Variants in UST observed in about 807,000 individuals in gnomAD.
UST encodes the protein uronyl 2-sulfotransferase.
A neutral mutation model predicts 45.6 loss-of-function variants in UST; 21 were observed. That is an observed-to-expected ratio of 0.46 (90% confidence interval 0.33 to 0.66). The LOEUF (loss-of-function observed/expected upper bound fraction) is 0.66, where lower values mean the gene tolerates loss of function less well. Ranked by LOEUF, UST falls within the 30% of genes least tolerant of loss-of-function variation. The pLI is 0.02. For missense variants in UST, 463 were observed against 512.4 expected (o/e 0.90, Z 0.93); for synonymous variants, 215 against 200.6 (o/e 1.07, Z -0.61).
intron 1 of UST, among the ~76,000 whole-genome samples, chr6:148,861,107 A>C (rs1372131640): frequency 1.3e-5 from 2 of 152,060 alleles, no homozygotes; most frequent in East Asian, 1.9e-4. Context: ...TAGAATTCAG[A>C]CGTGAATTCG....
intron 6 of UST, among the ~76,000 whole-genome samples, chr6:149,019,774 C>T (rs1055931859): frequency 1.3e-5 from 2 of 152,180 alleles, no homozygotes; most frequent in African/African-American, 4.8e-5. Flanking sequence ...CTTGAAGGCA[C>T]AACCTTCTTT....
At chr6:148,873,832 G>C (rs946717617) in intron 1 of UST, among the ~76,000 whole-genome samples, 12 of 152,262 alleles carry the variant, frequency 7.9e-5, no homozygotes, top group African/African-American at 2.9e-4. Context: ...CTGATGATGA[G>C]AATGAGGATG....
chr6:148,931,559 G>A (rs1779921933), intron 2 of UST, among the ~76,000 whole-genome samples: 1 of 152,158 alleles, frequency 6.6e-6, no homozygotes, highest in Non-Finnish European at 1.5e-5. Flanking sequence ...CTGCAAACTA[G>A]AACTAATTTG....
intron 7 of UST, among the ~76,000 whole-genome samples, chr6:149,045,224 A>G (rs1225435496): frequency 6.6e-6 from 1 of 152,206 alleles, no homozygotes; most frequent in Non-Finnish European, 1.5e-5. Context: ...AAACCCGTGC[A>G]TTTGAAATTT....
intron 5 of UST, chr6:148,990,277 T>C: frequency 4.1e-6 from 2 of 489,384 alleles, no homozygotes; most frequent in Non-Finnish European, 5.3e-6. Context: ...GGCCATATTT[T>C]ATATAATAAA....
intron 1 of UST, among the ~76,000 whole-genome samples, chr6:148,801,792 A>G (rs535341636): frequency 6.6e-6 from 1 of 152,098 alleles, no homozygotes; most frequent in East Asian, 1.9e-4. Flanking sequence ...TTGTAATATG[A>G]TGTTTATTAT....
chr6:148,773,230 T>TGGGTG (rs1776466294), intron 1 of UST, among the ~76,000 whole-genome samples: 1 of 152,182 alleles, frequency 6.6e-6, no homozygotes, highest in Non-Finnish European at 1.5e-5. Flanking sequence ...GTGGCTGAGA[T>TGGGTG]GGGTGGGATC....
In UST at chr6:148,917,143, C is replaced by T. The variant is rs1779605460; in HGVS notation, c.292-24136C>T. 2.6e-5 allele frequency among the ~76,000 whole-genome samples: 4 copies of T among 152,356 alleles called. No homozygotes were observed. In the South Asian group the frequency reaches 6.2e-4, roughly 24 times the overall value. ...TGTAGGCTCCAAATTGAGACAGTGG[C>T]CTGGGGAGGAAAGGCTGCTTAGGGC... On this transcript the variant is annotated intron_variant, in intron 2 of 7. Coordinates refer to ENST00000367463, the MANE Select transcript of UST (RefSeq NM_005715.3).
At chr6:148,788,375 A>G (rs1475793759) in intron 1 of UST, among the ~76,000 whole-genome samples, 1 of 152,178 alleles carries the variant, frequency 6.6e-6, no homozygotes, top group East Asian at 1.9e-4. Flanking sequence ...ACACTTAGTG[A>G]AAGTTATTTT....
intron 1 of UST, among the ~76,000 whole-genome samples, chr6:148,844,677 T>G (rs1777950738): frequency 6.6e-6 from 1 of 152,214 alleles, no homozygotes; most frequent in South Asian, 2.1e-4. Context: ...TTTTCCTGCT[T>G]TTATTTTAGA....
intron 1 of UST, among the ~76,000 whole-genome samples, chr6:148,875,664 C>T (rs988247970): frequency 3.9e-5 from 6 of 152,124 alleles, no homozygotes; most frequent in African/African-American, 1.2e-4. Flanking sequence ...ATTAGCTGGA[C>T]GTGGTGGCAC....
At position 148,747,348 on chromosome 6, in the gene UST, C is replaced by A; in HGVS notation, c.-83C>A. 7.4e-7 allele frequency: 1 copy of A among 1,350,830 alleles called. No homozygotes were observed. The highest frequency in any genetic ancestry group is 9.5e-7 in the Non-Finnish European group (1 of 1,047,704). 83.7% of individuals were successfully genotyped at this position (1,350,830 alleles called of 1,614,324 possible). A position where few individuals can be genotyped will look rare whatever the true frequency, so the allele number is the denominator to read the frequency against. ...CCGCGCGGCCCTCCCCATGTGCAGC[C>A]GGCCAGCCGGGCTCTCCTCCTCGCG... is the stretch of plus-strand genomic sequence containing the variant. On this transcript the variant is annotated 5_prime_UTR_variant, in exon 1 of 8. Transcript: ENST00000367463.
At chr6:148,917,131 T>C (rs891111526) in intron 2 of UST, among the ~76,000 whole-genome samples, 2 of 152,218 alleles carry the variant, frequency 1.3e-5, no homozygotes, top group African/African-American at 4.8e-5. Context: ...AGGCTCCAAA[T>C]TGAGACAGTG....
chr6:148,891,262 C>T (rs189990832), intron 2 of UST, among the ~76,000 whole-genome samples: 2 of 152,172 alleles, frequency 1.3e-5, no homozygotes, highest in East Asian at 1.9e-4. Flanking sequence ...TCACCTGGGA[C>T]GTGGGTACCT....
chr6:148,811,771 G>A (rs912127364), intron 1 of UST, among the ~76,000 whole-genome samples: 6 of 152,298 alleles, frequency 3.9e-5, no homozygotes, highest in East Asian at 1.9e-4. Flanking sequence ...TGTAGGACTC[G>A]TGTGATGCAG....
At chr6:149,026,309 C>G (rs1057426659) in intron 7 of UST, among the ~76,000 whole-genome samples, 20 of 152,126 alleles carry the variant, frequency 1.3e-4, no homozygotes, top group Non-Finnish European at 1.5e-5. Flanking sequence ...AGAGCAAGAC[C>G]TTGTTTCAAA....
chr6:148,852,528 C>T (rs1778127176), intron 1 of UST, among the ~76,000 whole-genome samples: 1 of 152,024 alleles, frequency 6.6e-6, no homozygotes, highest in South Asian at 2.1e-4. Context: ...CCATGTAAGC[C>T]AAGTCTGTTT....
chr6:148,880,885 T>G (rs148606783), intron 1 of UST, among the ~76,000 whole-genome samples: 5,631 of 151,922 alleles, frequency 0.037, 120 homozygotes, highest in Middle Eastern at 0.11. Flanking sequence ...AAAAGTTAGC[T>G]GGGTGTGGTG....
intron 1 of UST, among the ~76,000 whole-genome samples, chr6:148,778,790 G>A (rs146290118): frequency 4.7e-4 from 72 of 152,310 alleles, no homozygotes; most frequent in African/African-American, 1.7e-3. Context: ...GCAACTTGCC[G>A]AGGGTTATAA....
Sources: gnomAD v4.1 joint callset for allele counts (sites outside exome capture counted in the v4.1 genomes callset) on GRCh38, gnomAD v4.1.1 for gene constraint, MANE v1.5 for transcripts, NCBI Gene and HGNC (gene_info 2026-07-23, HGNC 2026-07-21) for gene names.